BAZ1A: variants seen among roughly 807,000 people sequenced by gnomAD.
BAZ1A encodes bromodomain adjacent to zinc finger domain protein 1A.
In BAZ1A, 50 loss-of-function variants were observed where a neutral mutation model predicts 185.2. The observed-to-expected ratio is 0.27, with a 90% CI of 0.22 to 0.34. BAZ1A has a LOEUF of 0.34. BAZ1A is among the 10% of genes least tolerant of loss of function. The pLI is 1.00. For missense variants in BAZ1A, 1,356 were observed against 1,839.9 expected (o/e 0.74, Z 4.81); for synonymous variants, 571 against 615.6 (o/e 0.93, Z 1.07).
Position 34,786,025 on chromosome 14 carries a change from G to A in BAZ1A, c.1607-24C>T, listed in dbSNP as rs554606853. 1.9e-6 allele frequency: 3 copies of A among 1,603,916 alleles called. No individual in the cohort carries two copies. In the African/African-American group the frequency reaches 4.0e-5, roughly 22 times the overall value. On this transcript the variant is annotated intron_variant, in intron 13 of 26. Transcript: ENST00000360310. ...GCCTATAGTTGTTAAAAATGAAATA[G>A]TCATTTAGAATATAAACAATAAATA...
At chr14:34,775,601 C>T (rs1879545432) in intron 18 of BAZ1A, among the ~76,000 whole-genome samples, 1 of 152,224 alleles carries the variant, frequency 6.6e-6, no homozygotes, top group Non-Finnish European at 1.5e-5. Context: ...CTGTCCAAAA[C>T]TGATGGCAGC....
At chr14:34,797,560 A>G (rs935475025) in intron 9 of BAZ1A, among the ~76,000 whole-genome samples, 3 of 149,352 alleles carry the variant, frequency 2.0e-5, no homozygotes, top group Non-Finnish European at 4.4e-5. Flanking sequence ...CTCCATCTCA[A>G]AAAAAAAAGT....
rs974219171 is a variant in BAZ1A at position 34,793,020 on chromosome 14, C to T, written c.1364-99G>A. On this transcript the variant is annotated intron_variant, in intron 11 of 26. Transcript: ENST00000360310. Reference sequence around the variant, plus strand: ...ATGTAATCAACAATAGTATGTGCAACTATTTTCTTAAGCATCAATTTATGA... The same window carrying T: ...ATGTAATCAACAATAGTATGTGCAATTATTTTCTTAAGCATCAATTTATGA... The T allele has an allele frequency of 8.3e-6, 9 of 1,089,894 alleles. No individual in the cohort carries two copies. In the East Asian group the frequency reaches 1.8e-4, roughly 22 times the overall value. The allele number at this position is 1,089,894 out of a possible 1,614,324, so 67.5% of individuals were successfully genotyped here. A position where few individuals can be genotyped will look rare whatever the true frequency, so the allele number is the denominator to read the frequency against.
chr14:34,775,525 C>A (rs1436729993), intron 18 of BAZ1A, among the ~76,000 whole-genome samples: 1 of 152,182 alleles, frequency 6.6e-6, no homozygotes, highest in African/African-American at 2.4e-5. Context: ...AAGAAGTGAC[C>A]ATTAGTGGAA....
intron 3 of BAZ1A, among the ~76,000 whole-genome samples, chr14:34,834,469 T>A (rs2042298286): frequency 6.6e-6 from 1 of 152,162 alleles, no homozygotes; most frequent in African/African-American, 2.4e-5. Context: ...ATTTGAGGAC[T>A]AATATATTTA....
intron 3 of BAZ1A, among the ~76,000 whole-genome samples, chr14:34,851,821 C>A (rs1240069679): frequency 6.6e-6 from 1 of 152,072 alleles, no homozygotes; most frequent in Non-Finnish European, 1.5e-5. Flanking sequence ...AATCTGTTTG[C>A]ATGGCGTTCT....
chr14:34,871,702 G>A (rs981703146), intron 2 of BAZ1A, among the ~76,000 whole-genome samples: 2 of 152,190 alleles, frequency 1.3e-5, no homozygotes, highest in Non-Finnish European at 2.9e-5. Flanking sequence ...ATGAAACCCC[G>A]TCTCTACTAA....
chr14:34,827,041 C>T (rs950304021), intron 3 of BAZ1A, among the ~76,000 whole-genome samples: 4 of 152,174 alleles, frequency 2.6e-5, no homozygotes, highest in Non-Finnish European at 4.4e-5. Context: ...TTGGGACTTG[C>T]ACCAGTGTCC....
intron 4 of BAZ1A, among the ~76,000 whole-genome samples, chr14:34,813,448 C>A (rs1027711700): frequency 3.3e-5 from 5 of 151,298 alleles, no homozygotes; most frequent in South Asian, 2.1e-4. Flanking sequence ...TTTGGGAGGC[C>A]GAGGCAGGTG....
intron 3 of BAZ1A, among the ~76,000 whole-genome samples, chr14:34,839,412 G>A (rs971222977): frequency 1.3e-5 from 2 of 151,984 alleles, no homozygotes; most frequent in African/African-American, 4.8e-5. Context: ...GGTAGTGTGT[G>A]CCTGTAGTCC....
At chr14:34,839,583 C>T (rs1395087826) in intron 3 of BAZ1A, among the ~76,000 whole-genome samples, 1 of 146,040 alleles carries the variant, frequency 6.8e-6, no homozygotes, top group Non-Finnish European at 1.5e-5. Flanking sequence ...GTGGCTCACA[C>T]CTGTAATCCC....
At chr14:34,783,948 C>T in intron 14 of BAZ1A, 21 bp from the exon 15 acceptor site, 1 of 1,565,674 alleles carries the variant, frequency 6.4e-7, no homozygotes, top group Non-Finnish European at 8.6e-7. Flanking sequence ...TTGGTAAATA[C>T]TTCTGTATTA....
At chr14:34,762,567 C>T (rs990985281) in intron 23 of BAZ1A, among the ~76,000 whole-genome samples, 1 of 151,940 alleles carries the variant, frequency 6.6e-6, no homozygotes, top group South Asian at 2.1e-4. Context: ...GCCTGACCTC[C>T]CTGTGATCAG....
At chr14:34,816,712 C>G (rs2042012001) in intron 4 of BAZ1A, 1 of 276,650 alleles carries the variant, frequency 3.6e-6, no homozygotes, top group African/African-American at 2.3e-5. Context: ...TACACAAACT[C>G]ACCTATACCT....
intron 3 of BAZ1A, among the ~76,000 whole-genome samples, chr14:34,847,728 TTA>T (rs1301449381): frequency 6.6e-6 from 1 of 152,212 alleles, no homozygotes; most frequent in Non-Finnish European, 1.5e-5. Context: ...TTAATGCATT[TTA>T]TGATTCATTA....
intron 25 of BAZ1A, 58 bp downstream of exon 25, chr14:34,758,646 T>A: frequency 1.9e-6 from 3 of 1,550,042 alleles, no homozygotes; most frequent in Non-Finnish European, 1.8e-6. Flanking sequence ...TTCAAAGTTA[T>A]CACGTGGACT....
At chr14:34,793,350 CT>C (rs896778503) in intron 11 of BAZ1A, among the ~76,000 whole-genome samples, 5 of 152,274 alleles carry the variant, frequency 3.3e-5, no homozygotes, top group African/African-American at 1.2e-4. Context: ...AATATTATGT[CT>C]AAGTCATAAA....
At chr14:34,792,658 A>G (rs948813560) in intron 12 of BAZ1A, 117 bp downstream of exon 12, 26 of 1,211,604 alleles carry the variant, frequency 2.1e-5, no homozygotes, top group Non-Finnish European at 2.7e-5. Flanking sequence ...ACATCAGGTA[A>G]CCTGAACAAC....
At chr14:34,822,265 G>T (rs1488790483) in intron 4 of BAZ1A, among the ~76,000 whole-genome samples, 1 of 152,162 alleles carries the variant, frequency 6.6e-6, no homozygotes, top group Non-Finnish European at 1.5e-5. Context: ...CTGCATTCCA[G>T]CCTGGGTGAC....
Sources: gnomAD v4.1 joint callset for allele counts (sites outside exome capture counted in the v4.1 genomes callset) on GRCh38, gnomAD v4.1.1 for gene constraint, MANE v1.5 for transcripts, NCBI Gene and HGNC (gene_info 2026-07-23, HGNC 2026-07-21) for gene names.